Variants in GLG1 observed in about 807,000 individuals in gnomAD.
GLG1 encodes Golgi apparatus protein 1.
In GLG1, 38 loss-of-function variants were observed where a neutral mutation model predicts 160.5. The observed-to-expected ratio is 0.24, with a 90% CI of 0.18 to 0.31. GLG1 has a LOEUF of 0.31. GLG1 is among the 10% of genes least tolerant of loss of function. The pLI is 1.00. For missense variants in GLG1, 1,373 were observed against 1,505.2 expected (o/e 0.91, Z 1.45); for synonymous variants, 644 against 543.4 (o/e 1.19, Z -2.57).
chr16:74,525,484 G>T (rs552607155), intron 2 of GLG1, among the ~76,000 whole-genome samples: 3 of 151,160 alleles, frequency 2.0e-5, no homozygotes, highest in East Asian at 1.9e-4. Context: ...TGTAGAGATA[G>T]GGGGTCTCCG....
In GLG1 at chr16:74,568,132, CACA is replaced by C. The variant is rs74477350; in HGVS notation, c.439-35982_439-35980del. On this transcript the variant is annotated intron_variant, in intron 1 of 25. Coordinates refer to ENST00000422840, the MANE Select transcript of GLG1 (RefSeq NM_001145667.2). ...ATAAAAGCTACTTTGGCCACCTTGC[CACA>C]ACGTGGAGACTGTGAAAGAAGCCAG... Among the ~76,000 whole-genome samples the C allele has an allele frequency of 1.9e-3, 295 of 152,306 alleles. 4 individuals carry two copies. The highest frequency in any genetic ancestry group is 0.012 in the Admixed American group (176 of 15,304).
intron 1 of GLG1, among the ~76,000 whole-genome samples, chr16:74,578,816 T>C (rs1006098724): frequency 1.3e-5 from 2 of 152,222 alleles, no homozygotes. Flanking sequence ...GTATCATAAG[T>C]CATTCTGTGA....
At chr16:74,587,540 G>A (rs1009461719) in intron 1 of GLG1, among the ~76,000 whole-genome samples, 1 of 152,156 alleles carries the variant, frequency 6.6e-6, no homozygotes, top group Admixed American at 6.6e-5. Context: ...ATCAAGAAAT[G>A]ACAGACATGA....
rs76398159 is a variant in GLG1, at chr16:74,579,303, G to A, written c.438+27354C>T. ...ATGCGCCTGTAGTCCCAGCTCCTGGGGTGGTGGAGGCTGAGACAGGAGGAT... is the reference window on the plus strand; with the variant it reads ...ATGCGCCTGTAGTCCCAGCTCCTGGAGTGGTGGAGGCTGAGACAGGAGGAT... On this transcript the variant is annotated intron_variant, in intron 1 of 25. Coordinates refer to ENST00000422840, the MANE Select transcript of GLG1 (RefSeq NM_001145667.2). Among the ~76,000 whole-genome samples the A allele has an allele frequency of 4.6e-5, 7 of 152,218 alleles. No homozygotes were observed. The East Asian group carries it at 1.4e-3, about 29-fold the overall frequency.
chr16:74,482,440 G>A (rs2015635566), intron 10 of GLG1, among the ~76,000 whole-genome samples: 1 of 152,174 alleles, frequency 6.6e-6, no homozygotes, highest in East Asian at 1.9e-4. Context: ...GCAAGATGCG[G>A]AAAGAGGAGG....
chr16:74,569,351 T>C (rs909650941), intron 1 of GLG1, among the ~76,000 whole-genome samples: 3 of 152,218 alleles, frequency 2.0e-5, no homozygotes, highest in African/African-American at 7.2e-5. Flanking sequence ...GAAACTTTAA[T>C]AGACATTTAA....
At chr16:74,480,062 G>C (rs554883722) in intron 11 of GLG1, among the ~76,000 whole-genome samples, 179 bp downstream of exon 11, 1 of 152,018 alleles carries the variant, frequency 6.6e-6, no homozygotes, top group African/African-American at 2.4e-5. Flanking sequence ...GATAGAAGCT[G>C]GTAGGGCAAC....
chr16:74,583,860 TC>T (rs1230873501), intron 1 of GLG1, among the ~76,000 whole-genome samples: 6 of 152,122 alleles, frequency 3.9e-5, no homozygotes, highest in Non-Finnish European at 1.5e-5. Flanking sequence ...GCTGAGGGTA[TC>T]ATCATCACCA....
chr16:74,578,678 G>A (rs1412198759), intron 1 of GLG1, among the ~76,000 whole-genome samples: 1 of 152,140 alleles, frequency 6.6e-6, no homozygotes, highest in East Asian at 1.9e-4. Context: ...GTGCCTGCCA[G>A]AACACAGGCC....
intron 1 of GLG1, among the ~76,000 whole-genome samples, chr16:74,547,149 C>T (rs1043300428): frequency 2.0e-4 from 31 of 151,410 alleles, no homozygotes; most frequent in African/African-American, 2.4e-4. Flanking sequence ...TGTTGTGTTC[C>T]CTTGCCTCCA....
chr16:74,530,452 G>A (rs897179937), intron 2 of GLG1, among the ~76,000 whole-genome samples: 9 of 152,228 alleles, frequency 5.9e-5, no homozygotes, highest in African/African-American at 2.2e-4. Flanking sequence ...ACTCAACTTT[G>A]CCATCCTAGT....
intron 1 of GLG1, among the ~76,000 whole-genome samples, chr16:74,599,520 A>C (rs895209089): frequency 1.3e-5 from 2 of 152,170 alleles, no homozygotes; most frequent in African/African-American, 2.4e-5. Flanking sequence ...GGAGTTCAAG[A>C]CCAGCCTGGC....
intron 23 of GLG1, among the ~76,000 whole-genome samples, chr16:74,458,848 A>G (rs2014665664): frequency 6.6e-6 from 1 of 152,244 alleles, no homozygotes; most frequent in Non-Finnish European, 1.5e-5. Flanking sequence ...AGGAATATCA[A>G]CATGATGGAA....
At chr16:74,539,883 G>T (rs1485233175) in intron 1 of GLG1, among the ~76,000 whole-genome samples, 7 of 140,708 alleles carry the variant, frequency 5.0e-5, no homozygotes, top group African/African-American at 7.9e-5. Flanking sequence ...ACTCAAATTA[G>T]TATAATTTCT....
chr16:74,543,473 A>G (rs2017960973), intron 1 of GLG1, among the ~76,000 whole-genome samples: 1 of 152,148 alleles, frequency 6.6e-6, no homozygotes, highest in Admixed American at 6.6e-5. Context: ...GTGAGAACTT[A>G]CCTCTAAAAA....
rs1230596975 is a variant in GLG1, at chr16:74,452,900, G to A, written c.*267C>T. 4 of 1,155,692 alleles carry A rather than the reference G, an allele frequency of 3.5e-6. No homozygotes were observed. The highest frequency in any genetic ancestry group is 4.5e-5 in the Admixed American group (1 of 22,050). 71.6% of individuals were successfully genotyped at this position (1,155,692 alleles called of 1,614,324 possible). On this transcript the variant is annotated 3_prime_UTR_variant, in exon 26 of 26. Coordinates refer to ENST00000422840, the MANE Select transcript of GLG1 (RefSeq NM_001145667.2). ...TACCGGAAGTTCTGTTGGTATGAGA[G>A]AGACTTGTCTACAGGCAGGTAAACC... is the stretch of plus-strand genomic sequence containing the variant.
At chr16:74,510,717 A>G (rs950572626) in intron 2 of GLG1, among the ~76,000 whole-genome samples, 1 of 152,208 alleles carries the variant, frequency 6.6e-6, no homozygotes, top group African/African-American at 2.4e-5. Context: ...CTGAGTACAT[A>G]CTGTGTTCCA....
At chr16:74,505,108 A>C (rs2016548318) in intron 3 of GLG1, among the ~76,000 whole-genome samples, 1 of 152,214 alleles carries the variant, frequency 6.6e-6, no homozygotes, top group African/African-American at 2.4e-5. Flanking sequence ...TCTCCCCATT[A>C]GGCCTATCTA....
chr16:74,534,205 T>C (rs1346833036), intron 1 of GLG1, among the ~76,000 whole-genome samples: 3 of 152,040 alleles, frequency 2.0e-5, no homozygotes, highest in African/African-American at 7.3e-5. Context: ...TTAAGGTGCC[T>C]TTCTCAGTCT....
Sources: gnomAD v4.1 joint callset for allele counts (sites outside exome capture counted in the v4.1 genomes callset) on GRCh38, gnomAD v4.1.1 for gene constraint, MANE v1.5 for transcripts, NCBI Gene and HGNC (gene_info 2026-07-23, HGNC 2026-07-21) for gene names.